Variants in PRH1 observed in about 807,000 individuals in gnomAD.
PRH1 encodes proline rich protein HaeIII subfamily 1, also known as salivary acidic proline-rich phosphoprotein 1/2.
A neutral mutation model predicts 7.9 loss-of-function variants in PRH1; 7 were observed. That is an observed-to-expected ratio of 0.89 (90% CI 0.50 to 1.67). PRH1 has a LOEUF of 1.67. Among genes scored for constraint, PRH1 ranks in the 40% most tolerant of loss-of-function variants. PRH1 has a pLI of 0.00. For missense variants in PRH1, 109 were observed against 223.6 expected, an observed-to-expected ratio of 0.49 and a Z score of 3.27; for synonymous variants, 45 against 80.8, an observed-to-expected ratio of 0.56 and a Z score of 2.38.
intron 2 of PRH1, among the ~76,000 whole-genome samples, chr12:10,923,748 G>A (rs1950084605): frequency 6.6e-6 from 1 of 152,116 alleles, no homozygotes; most frequent in African/African-American, 2.4e-5. Context: ...TTTATTTTCT[G>A]TCACTGTGGT....
chr12:11,061,669 A>G lies in PRH1; in HGVS notation n.124-14481T>C, dbSNP rs747529394. Reference sequence around the variant, plus strand: ...TTGAGATCCTTTGCCATGGAGCTGCATCTTTTTGAGATGTTTACACAGAGA... The same window carrying G: ...TTGAGATCCTTTGCCATGGAGCTGCGTCTTTTTGAGATGTTTACACAGAGA... On this transcript the variant is annotated intron_variant and non_coding_transcript_variant, in intron 1 of 4. Transcript: ENST00000541977. 137 of 1,614,166 alleles carry G rather than the reference A, an allele frequency of 8.5e-5. No homozygotes were observed. The highest frequency in any genetic ancestry group is 1.1e-4 in the Non-Finnish European group (128 of 1,179,994).
intron 1 of PRH1, among the ~76,000 whole-genome samples, chr12:11,160,683 C>T (rs1167336045): frequency 1.3e-5 from 2 of 152,074 alleles, no homozygotes; most frequent in African/African-American, 2.4e-5. Context: ...ATTGGCCAGG[C>T]AGGCTGGTCT....
chr12:11,167,549 A>G (rs1947618473), intron 1 of PRH1, among the ~76,000 whole-genome samples: 1 of 149,824 alleles, frequency 6.7e-6, no homozygotes, highest in African/African-American at 2.5e-5. Flanking sequence ...GGTTCACACC[A>G]TTCTCCTGCC....
intron 1 of PRH1, among the ~76,000 whole-genome samples, chr12:11,136,828 C>A (rs1946569773): frequency 6.6e-6 from 1 of 152,104 alleles, no homozygotes; most frequent in Non-Finnish European, 1.5e-5. Flanking sequence ...CAAGACCAGC[C>A]TGTGCAATAC....
intron 1 of PRH1, among the ~76,000 whole-genome samples, chr12:10,980,405 T>C (rs1457059578): frequency 6.6e-6 from 1 of 152,168 alleles, no homozygotes; most frequent in Non-Finnish European, 1.5e-5. Context: ...CTAAATTAGA[T>C]ACTGAGTCAC....
chr12:10,990,665 T>C (rs1939891378), intron 1 of PRH1, among the ~76,000 whole-genome samples: 2 of 152,142 alleles, frequency 1.3e-5, no homozygotes, highest in African/African-American at 4.8e-5. Context: ...TGAGAGTACA[T>C]CAGGAGAAAA....
At chr12:10,984,946 C>G (rs11054131) in intron 1 of PRH1, among the ~76,000 whole-genome samples, 29,098 of 151,658 alleles carry the variant, frequency 0.19, 3,157 homozygotes, top group Non-Finnish European at 0.24. Context: ...AATTTCTATA[C>G]TATTTTTACA....
intron 1 of PRH1, among the ~76,000 whole-genome samples, chr12:11,131,190 C>CCT (rs1206197518): frequency 6.6e-6 from 1 of 152,072 alleles, no homozygotes; most frequent in African/African-American, 2.4e-5. Flanking sequence ...CATTCTCCCT[C>CCT]CTCTCTCTCT....
At chr12:11,158,015 A>C (rs1396514210) in intron 1 of PRH1, among the ~76,000 whole-genome samples, 1 of 152,172 alleles carries the variant, frequency 6.6e-6, no homozygotes, top group Non-Finnish European at 1.5e-5. Context: ...GAATATTTTC[A>C]CCTACTACTT....
intron 2 of PRH1, among the ~76,000 whole-genome samples, chr12:10,922,024 C>A (rs999706304): frequency 6.6e-6 from 1 of 152,196 alleles, no homozygotes; most frequent in Non-Finnish European, 1.5e-5. Flanking sequence ...CCTGTCTTGA[C>A]CTCCCAATGT....
At chr12:11,045,674 A>T (rs1008044032) in intron 1 of PRH1, among the ~76,000 whole-genome samples, 7 of 152,146 alleles carry the variant, frequency 4.6e-5, no homozygotes, top group African/African-American at 1.7e-4. Flanking sequence ...AAAATGTAAA[A>T]TTATGCTTTC....
At chr12:11,083,355 AG>A (rs1361471556) in intron 1 of PRH1, among the ~76,000 whole-genome samples, 21 of 100,190 alleles carry the variant, frequency 2.1e-4, no homozygotes, top group East Asian at 4.8e-4. Context: ...TTTAAATTAA[AG>A]AAAAGTTTAA....
chr12:11,144,003 C>A (rs914491405), intron 1 of PRH1, among the ~76,000 whole-genome samples: 1 of 152,158 alleles, frequency 6.6e-6, no homozygotes, highest in Non-Finnish European at 1.5e-5. Context: ...ATGGAGGGTG[C>A]AATGGACTCC....
At chr12:10,929,199 T>C (rs2135862943) in intron 2 of PRH1, 7 of 1,606,758 alleles carry the variant, frequency 4.4e-6, no homozygotes, top group Non-Finnish European at 5.1e-6. Context: ...GCCATTGTCC[T>C]GCTTGTCTTT....
intron 2 of PRH1, chr12:10,938,840 T>G: frequency 6.2e-7 from 1 of 1,613,562 alleles, no homozygotes; most frequent in Non-Finnish European, 8.5e-7. Context: ...AACCCTCCAC[T>G]TTAGGTAGAG....
At chr12:11,105,679 T>C (rs1265355323) in intron 1 of PRH1, among the ~76,000 whole-genome samples, 2 of 152,200 alleles carry the variant, frequency 1.3e-5, no homozygotes, top group African/African-American at 4.8e-5. Flanking sequence ...TCTCCACAAT[T>C]TGTGTTCAGC....
At chr12:10,965,537 A>C (rs1938461169) in intron 2 of PRH1, among the ~76,000 whole-genome samples, 1 of 152,254 alleles carries the variant, frequency 6.6e-6, no homozygotes, top group Non-Finnish European at 1.5e-5. Context: ...TGATAGTTCA[A>C]TAATGTATTT....
intron 1 of PRH1, among the ~76,000 whole-genome samples, chr12:11,160,124 G>C (rs1223071655): frequency 6.6e-6 from 1 of 152,018 alleles, no homozygotes; most frequent in Non-Finnish European, 1.5e-5. Context: ...CATACCACTT[G>C]AATACAAATA....
At chr12:11,022,327 A>G (rs1941693356) in intron 1 of PRH1, 2 of 1,614,210 alleles carry the variant, frequency 1.2e-6, no homozygotes, top group Non-Finnish European at 1.7e-6. Context: ...AGAAGCAACA[A>G]TTCTTACTTC....
Sources: gnomAD v4.1 joint callset for allele counts (sites outside exome capture counted in the v4.1 genomes callset) on GRCh38, gnomAD v4.1.1 for gene constraint, MANE v1.5 for transcripts, NCBI Gene and HGNC (gene_info 2026-07-23, HGNC 2026-07-21) for gene names.